The following SLC24A3 variants were observed in gnomAD, a reference collection of about 807,000 sequenced individuals.
SLC24A3 encodes sodium/potassium/calcium exchanger 3.
Under a neutral mutation model 75.8 loss-of-function variants are expected in SLC24A3, and 28 were observed. That is an observed-to-expected ratio of 0.37 (90% confidence interval 0.27 to 0.51). The LOEUF (loss-of-function observed/expected upper bound fraction) is 0.51, where lower values mean the gene tolerates loss of function less well. Among genes scored for constraint, SLC24A3 ranks in the 20% least tolerant of loss-of-function variants. SLC24A3 has a pLI of 0.94. For missense variants in SLC24A3, 663 were observed against 847.8 expected (o/e 0.78, Z 2.71); for synonymous variants, 372 against 334.1 (o/e 1.11, Z -1.24).
intron 1 of SLC24A3, among the ~76,000 whole-genome samples, chr20:19,234,731 T>C (rs1982114952): frequency 6.6e-6 from 1 of 151,960 alleles, no homozygotes; most frequent in East Asian, 1.9e-4. Flanking sequence ...GAGAAGAAGG[T>C]GAACAGAAGG....
chr20:19,398,973 G>A (rs188876755), intron 2 of SLC24A3, among the ~76,000 whole-genome samples: 47 of 152,198 alleles, frequency 3.1e-4, no homozygotes, highest in Admixed American at 6.5e-4. Context: ...ATATAAATTC[G>A]ATTTCTTTAG....
intron 3 of SLC24A3, among the ~76,000 whole-genome samples, chr20:19,540,439 C>T (rs772820635): frequency 2.6e-5 from 4 of 152,200 alleles, no homozygotes; most frequent in Non-Finnish European, 5.9e-5. Context: ...TGCCTGAACA[C>T]CCATTTTTTA....
intron 6 of SLC24A3, among the ~76,000 whole-genome samples, chr20:19,606,096 C>G (rs937917036): frequency 6.6e-6 from 1 of 152,256 alleles, no homozygotes; most frequent in Non-Finnish European, 1.5e-5. Context: ...GTTTCCCAGC[C>G]TTCCTCTCCA....
chr20:19,467,853 C>T (rs1375899056), intron 2 of SLC24A3, among the ~76,000 whole-genome samples: 1 of 150,770 alleles, frequency 6.6e-6, no homozygotes. Context: ...TGCACTCCAG[C>T]CTGGGTGACA....
chr20:19,220,915 A>G (rs1034586985), intron 1 of SLC24A3, among the ~76,000 whole-genome samples: 9 of 152,220 alleles, frequency 5.9e-5, no homozygotes, highest in African/African-American at 2.2e-4. Flanking sequence ...TTACCTTATC[A>G]CAAGCACATT....
At chr20:19,643,147 G>A (rs563031656) in intron 6 of SLC24A3, among the ~76,000 whole-genome samples, 8 of 152,270 alleles carry the variant, frequency 5.3e-5, no homozygotes, top group South Asian at 2.1e-4. Flanking sequence ...AAGAGAAGAC[G>A]GTGGCCGGCA....
intron 2 of SLC24A3, among the ~76,000 whole-genome samples, chr20:19,511,139 C>T (rs1479720006): frequency 6.6e-6 from 1 of 152,020 alleles, no homozygotes; most frequent in Non-Finnish European, 1.5e-5. Flanking sequence ...GTGCCAGCCC[C>T]TTCCCCTCCC....
intron 3 of SLC24A3, among the ~76,000 whole-genome samples, chr20:19,546,220 C>G (rs1310252687): frequency 2.7e-5 from 4 of 145,512 alleles, no homozygotes; most frequent in Middle Eastern, 3.7e-3. Context: ...TCTTAGTGCT[C>G]CCTTCTCCAG....
At chr20:19,303,798 C>T (rs924688768) in intron 2 of SLC24A3, among the ~76,000 whole-genome samples, 1 of 152,198 alleles carries the variant, frequency 6.6e-6, no homozygotes, top group Non-Finnish European at 1.5e-5. Context: ...GAGGTTATCC[C>T]TGAGGCTAAG....
At chr20:19,575,371 G>A (rs982415989) in intron 3 of SLC24A3, among the ~76,000 whole-genome samples, 5 of 151,144 alleles carry the variant, frequency 3.3e-5, no homozygotes, top group African/African-American at 1.2e-4. Context: ...ATATTAATAT[G>A]TGAGGACACA....
chr20:19,456,276 A>G (rs7348742), intron 2 of SLC24A3, among the ~76,000 whole-genome samples: 1 of 152,212 alleles, frequency 6.6e-6, no homozygotes, highest in African/African-American at 2.4e-5. Context: ...CCAAAATCTC[A>G]TCTTGAATTG....
At chr20:19,225,887 G>C (rs140914465) in intron 1 of SLC24A3, among the ~76,000 whole-genome samples, 4 of 152,194 alleles carry the variant, frequency 2.6e-5, no homozygotes, top group Admixed American at 6.5e-5. Context: ...GAACAGAGTT[G>C]CTAAAAACAC....
intron 3 of SLC24A3, among the ~76,000 whole-genome samples, chr20:19,570,034 T>C (rs1011537070): frequency 6.6e-6 from 1 of 152,200 alleles, no homozygotes; most frequent in Non-Finnish European, 1.5e-5. Context: ...CTCACACTGC[T>C]GTAAAGACCT....
chr20:19,521,521 G>A (rs1268540467), intron 3 of SLC24A3, among the ~76,000 whole-genome samples: 1 of 152,030 alleles, frequency 6.6e-6, no homozygotes, highest in Non-Finnish European at 1.5e-5. Context: ...AGGAGCATGA[G>A]GCTGGGACAC....
chr20:19,666,124 C>T (rs2032396308), intron 8 of SLC24A3, among the ~76,000 whole-genome samples: 2 of 152,108 alleles, frequency 1.3e-5, no homozygotes. Flanking sequence ...ATCCTAATAT[C>T]TAAATGTCTT....
rs6136744 is a variant in SLC24A3, at chr20:19,471,172, C to T, written c.272-44316C>T. On this transcript the variant is annotated intron_variant, in intron 2 of 16. Coordinates refer to ENST00000328041, the MANE Select transcript of SLC24A3 (RefSeq NM_020689.4). ...AGAAGCAGAGTAAGAGGGGAGCCCCCGTGCTGGAGCTGTGAGTGATGATCT... is the reference window on the plus strand; with the variant it reads ...AGAAGCAGAGTAAGAGGGGAGCCCCTGTGCTGGAGCTGTGAGTGATGATCT... Among the ~76,000 whole-genome samples, 3,177 of 152,084 alleles carry T rather than the reference C, an allele frequency of 0.021. 293 individuals are homozygous for T. The East Asian group carries it at 0.32, about 15-fold the overall frequency.
At chr20:19,456,626 C>A (rs1987582647) in intron 2 of SLC24A3, among the ~76,000 whole-genome samples, 1 of 152,232 alleles carries the variant, frequency 6.6e-6, no homozygotes, top group Non-Finnish European at 1.5e-5. Flanking sequence ...TTAAATCTTT[C>A]CACATTGCTG....
chr20:19,248,510 T>C (rs561677272), intron 1 of SLC24A3, among the ~76,000 whole-genome samples: 15 of 152,262 alleles, frequency 9.9e-5, no homozygotes, highest in Middle Eastern at 3.4e-3. Flanking sequence ...ATTTGAAATA[T>C]TGACGTGGAG....
chr20:19,440,475 G>A (rs910127409), intron 2 of SLC24A3, among the ~76,000 whole-genome samples: 30 of 152,092 alleles, frequency 2.0e-4, no homozygotes, highest in African/African-American at 6.5e-4. Flanking sequence ...CAGCCCCTAC[G>A]GTGTTTCCTA....
Sources: allele counts gnomAD v4.1 joint callset (sites outside exome capture counted in the v4.1 genomes callset), GRCh38; gene constraint gnomAD v4.1.1; transcripts MANE v1.5; gene names NCBI Gene and HGNC (gene_info 2026-07-23, HGNC 2026-07-21).